Variants in LRMDA observed in about 807,000 individuals in gnomAD.
The protein encoded by LRMDA is leucine-rich melanocyte differentiation-associated protein.
Under a neutral mutation model 29.8 loss-of-function variants are expected in LRMDA, and 18 were observed. That is an observed-to-expected ratio of 0.60 (90% CI 0.42 to 0.90). The LOEUF (loss-of-function observed/expected upper bound fraction) is 0.90, where lower values mean the gene tolerates loss of function less well. Among genes scored for constraint, LRMDA ranks in the 40% least tolerant of loss-of-function variants. The pLI, the probability that LRMDA is intolerant of heterozygous loss-of-function variation, is 0.00. For missense variants in LRMDA, 273 were observed against 273.9 expected (o/e 1.00, Z 0.02); for synonymous variants, 125 against 109.4 (o/e 1.14, Z -0.89).
intron 5 of LRMDA, among the ~76,000 whole-genome samples, chr10:76,154,668 C>A (rs1850505270): frequency 6.6e-6 from 1 of 152,168 alleles, no homozygotes. Flanking sequence ...CTTTTATCTG[C>A]ATTACAGTTC....
rs1261829296 is a variant in LRMDA at position 75,468,696 on chromosome 10, C to T, written c.131+30202C>T. Among the ~76,000 whole-genome samples, 4 of 151,904 alleles carry T rather than the reference C, an allele frequency of 2.6e-5. No homozygotes were observed. The South Asian group carries it at 6.2e-4, about 24-fold the overall frequency. ...CAGGTCTTTGCGGGGGGCTGTCGGG[C>T]ACAGGATTTGGGAAGGGTCAGGGTG... On this transcript the variant is annotated intron_variant, in intron 2 of 6. Transcript: ENST00000611255.
At chr10:75,905,931 TTTTTTTTTTC>T (rs1845751577) in intron 2 of LRMDA, among the ~76,000 whole-genome samples, 1 of 30,356 alleles carries the variant, frequency 3.3e-5, no homozygotes, top group Admixed American at 4.9e-4. Context: ...TAGCCAAAGG[TTTTTTTTTTC>T]TTTTTTTTAA....
At chr10:75,872,923 G>A (rs1038377394) in intron 2 of LRMDA, among the ~76,000 whole-genome samples, 2 of 152,096 alleles carry the variant, frequency 1.3e-5, no homozygotes, top group Non-Finnish European at 2.9e-5. Context: ...TTCAGGGCAA[G>A]GCTGGTTATG....
At chr10:75,603,309 A>T (rs997417768) in intron 2 of LRMDA, among the ~76,000 whole-genome samples, 1 of 152,140 alleles carries the variant, frequency 6.6e-6, no homozygotes, top group African/African-American at 2.4e-5. Flanking sequence ...ATTATTAAGA[A>T]GGTACTTTTT....
intron 5 of LRMDA, among the ~76,000 whole-genome samples, chr10:76,106,489 C>T (rs180918688): frequency 3.3e-5 from 5 of 152,276 alleles, no homozygotes; most frequent in African/African-American, 1.2e-4. Flanking sequence ...GTATCATTTC[C>T]CCATTTTTAT....
intron 2 of LRMDA, among the ~76,000 whole-genome samples, chr10:75,960,893 G>A (rs1846753236): frequency 6.6e-6 from 1 of 152,158 alleles, no homozygotes; most frequent in Non-Finnish European, 1.5e-5. Context: ...GGGATAACAG[G>A]TGTGAGCCAC....
intron 2 of LRMDA, among the ~76,000 whole-genome samples, chr10:75,605,274 G>A (rs1420638306): frequency 6.6e-6 from 1 of 152,144 alleles, no homozygotes; most frequent in Non-Finnish European, 1.5e-5. Flanking sequence ...TCTCCCTGAC[G>A]CTGGTTGGAT....
chr10:75,594,822 A>C (rs1250728219), intron 2 of LRMDA, among the ~76,000 whole-genome samples: 1 of 152,238 alleles, frequency 6.6e-6, no homozygotes, highest in Admixed American at 6.5e-5. Flanking sequence ...AAGGGTTAAC[A>C]TAGGAATGAT....
intron 5 of LRMDA, among the ~76,000 whole-genome samples, chr10:76,124,415 G>GC (rs1263972509): frequency 6.6e-6 from 1 of 152,166 alleles, no homozygotes; most frequent in Non-Finnish European, 1.5e-5. Flanking sequence ...CTTTTCTCAG[G>GC]CTGCCTTTCT....
intron 2 of LRMDA, among the ~76,000 whole-genome samples, chr10:75,491,429 G>A (rs1017722051): frequency 2.0e-5 from 3 of 152,138 alleles, no homozygotes; most frequent in Non-Finnish European, 4.4e-5. Flanking sequence ...TTGAGTGGGG[G>A]AACTTGTCAC....
intron 5 of LRMDA, among the ~76,000 whole-genome samples, chr10:76,183,009 C>A (rs1371984167): frequency 6.6e-6 from 1 of 152,152 alleles, no homozygotes; most frequent in African/African-American, 2.4e-5. Flanking sequence ...CCAGACTCTG[C>A]ATGTATTTAA....
intron 5 of LRMDA, among the ~76,000 whole-genome samples, chr10:76,093,712 A>G (rs983016581): frequency 6.6e-5 from 10 of 152,020 alleles, no homozygotes; most frequent in Non-Finnish European, 1.5e-4. Context: ...TGCTGCCTTT[A>G]TGTGGCCCTC....
intron 6 of LRMDA, among the ~76,000 whole-genome samples, chr10:76,551,183 G>A (rs1843489992): frequency 6.6e-6 from 1 of 152,154 alleles, no homozygotes; most frequent in South Asian, 2.1e-4. Flanking sequence ...TGTTGTGATT[G>A]CTTTGTTTTT....
At chr10:76,544,902 A>G (rs2579742) in intron 6 of LRMDA, among the ~76,000 whole-genome samples, 1 of 151,974 alleles carries the variant, frequency 6.6e-6, no homozygotes, top group Non-Finnish European at 1.5e-5. Flanking sequence ...TTGTAAAGCA[A>G]ACTTCTTTCG....
At chr10:75,456,176 C>CGGGTGGA (rs1844514674) in intron 2 of LRMDA, among the ~76,000 whole-genome samples, 1 of 152,166 alleles carries the variant, frequency 6.6e-6, no homozygotes, top group Admixed American at 6.5e-5. Context: ...CCACCTCCAG[C>CGGGTGGA]GGGTGGAGGG....
At chr10:76,239,181 TA>T (rs1475519628) in intron 5 of LRMDA, among the ~76,000 whole-genome samples, 1 of 152,086 alleles carries the variant, frequency 6.6e-6, no homozygotes, top group Non-Finnish European at 1.5e-5. Flanking sequence ...ATTTGGGTGA[TA>T]GGGGGTGGCC....
chr10:75,674,987 G>A (rs961730317), intron 2 of LRMDA, among the ~76,000 whole-genome samples: 1 of 152,194 alleles, frequency 6.6e-6, no homozygotes, highest in African/African-American at 2.4e-5. Flanking sequence ...TTTTGCAGCA[G>A]CCTTTTCATT....
At chr10:76,540,088 A>G (rs756661139) in intron 6 of LRMDA, among the ~76,000 whole-genome samples, 3 of 152,068 alleles carry the variant, frequency 2.0e-5, no homozygotes, top group Non-Finnish European at 4.4e-5. Flanking sequence ...TGTATAACAC[A>G]ACTTACATAA....
rs1010702822 is a variant in LRMDA at position 76,558,107 on chromosome 10, T to A, written c.*819T>A. On this transcript the variant is annotated 3_prime_UTR_variant, in exon 7 of 7. Transcript: ENST00000611255. Reference sequence around the variant, plus strand: ...TAAGGCATCTTTCTCAGCATGAGGGTTTGGTTGCACCAGGGACTCTTATTT... The same window carrying A: ...TAAGGCATCTTTCTCAGCATGAGGGATTGGTTGCACCAGGGACTCTTATTT... 2 of 152,180 alleles carry A rather than the reference T, an allele frequency of 1.3e-5. No individual in the cohort carries two copies. Among genetic ancestry groups the A allele is most frequent in the Non-Finnish European group, 2.9e-5 (2 of 68,060 alleles). 9.4% of individuals were successfully genotyped at this position (152,180 alleles called of 1,614,324 possible). A position where few individuals can be genotyped will look rare whatever the true frequency, so the allele number is the denominator to read the frequency against.
Sources: allele counts gnomAD v4.1 joint callset (sites outside exome capture counted in the v4.1 genomes callset), GRCh38; gene constraint gnomAD v4.1.1; transcripts MANE v1.5; gene names NCBI Gene and HGNC (gene_info 2026-07-23, HGNC 2026-07-21).